The following PCDHA1 variants were observed in gnomAD, a reference collection of about 807,000 sequenced individuals.
PCDHA1 encodes the protein protocadherin alpha 1.
A neutral mutation model predicts 61.3 loss-of-function variants in PCDHA1; 42 were observed. The ratio of observed to expected loss-of-function variants is 0.69; its 90% confidence interval spans 0.54 to 0.89. PCDHA1 has a LOEUF of 0.89. Among genes scored for constraint, PCDHA1 ranks in the 40% least tolerant of loss-of-function variants. PCDHA1 has a pLI of 0.00. For missense variants in PCDHA1, 1,256 were observed against 1,235.3 expected, an observed-to-expected ratio of 1.02 and a Z score of -0.25; for synonymous variants, 610 against 553.8, an observed-to-expected ratio of 1.10 and a Z score of -1.43.
chr5:140,877,217 C>A (rs571871387), intron 1 of PCDHA1: 2 of 1,613,742 alleles, frequency 1.2e-6, no homozygotes, highest in African/African-American at 1.3e-5. Flanking sequence ...GAGTTGGTAC[C>A]GCGGTCGGTG....
chr5:140,789,911 G>A (rs1761560503), intron 1 of PCDHA1, among the ~76,000 whole-genome samples: 1 of 152,124 alleles, frequency 6.6e-6, no homozygotes, highest in African/African-American at 2.4e-5. Context: ...AAATGTTTAA[G>A]GTGGCTTACA....
At chr5:141,005,594 C>T (rs534928198) in intron 3 of PCDHA1, among the ~76,000 whole-genome samples, 10 of 147,680 alleles carry the variant, frequency 6.8e-5, no homozygotes, top group African/African-American at 1.8e-4. Flanking sequence ...CCCAGCTACA[C>T]AGGAGGCTGA....
chr5:140,898,392 T>G (rs1464159946), intron 1 of PCDHA1, among the ~76,000 whole-genome samples: 3 of 152,224 alleles, frequency 2.0e-5, no homozygotes, highest in African/African-American at 7.2e-5. Flanking sequence ...GGATCCAGTT[T>G]CAGCTTTCTA....
chr5:140,850,275 G>T, intron 1 of PCDHA1: 1 of 1,595,466 alleles, frequency 6.3e-7, no homozygotes, highest in East Asian at 2.2e-5. Flanking sequence ...GGTGGGGAAG[G>T]TGCGCGCAGT....
At chr5:140,964,862 A>G (rs560839818) in intron 1 of PCDHA1, among the ~76,000 whole-genome samples, 1 of 152,316 alleles carries the variant, frequency 6.6e-6, no homozygotes, top group South Asian at 2.1e-4. Context: ...GGAAACAAAG[A>G]GGACAAATAA....
intron 1 of PCDHA1, chr5:140,822,093 G>A: frequency 6.2e-7 from 1 of 1,614,262 alleles, no homozygotes; most frequent in South Asian, 1.1e-5. Flanking sequence ...TCCACCTGGA[G>A]GTGATCGTGG....
In PCDHA1 at chr5:140,806,389, A is replaced by T. The variant is rs147310754; in HGVS notation, c.2394+17705A>T. Among the ~76,000 whole-genome samples, 557 of 152,344 alleles carry T rather than the reference A, an allele frequency of 3.7e-3. 2 individuals are homozygous for T. Among genetic ancestry groups the T allele is most frequent in the African/African-American group, 0.013 (531 of 41,580 alleles). ...CAAAATGAGAATACCAGCGTTTCTC[A>T]TGGGAGCAAATGAGTTCCAATGAAT... On this transcript the variant is annotated intron_variant, in intron 1 of 3. Transcript: ENST00000504120.
intron 1 of PCDHA1, among the ~76,000 whole-genome samples, chr5:140,938,520 A>G (rs1240941217): frequency 6.6e-6 from 1 of 150,896 alleles, no homozygotes; most frequent in African/African-American, 2.4e-5. Context: ...ATTTTCTGTT[A>G]TTGAATGGAT....
intron 1 of PCDHA1, among the ~76,000 whole-genome samples, chr5:140,890,446 T>A (rs1554184296): frequency 6.6e-6 from 1 of 152,228 alleles, no homozygotes; most frequent in Non-Finnish European, 1.5e-5. Context: ...CCTAGTGATA[T>A]CTTTAGGCAC....
chr5:140,882,926 C>A (rs144073627), intron 1 of PCDHA1: 1 of 1,614,058 alleles, frequency 6.2e-7, no homozygotes, highest in Non-Finnish European at 8.5e-7. Flanking sequence ...TGGAGGTAAA[C>A]CCGAGCTGAC....
In PCDHA1 at chr5:140,795,207, T is replaced by G. The variant is rs1554119297; in HGVS notation, c.2394+6523T>G. 6.8e-6 allele frequency: 11 copies of G among 1,614,036 alleles called. No individual in the cohort carries two copies. In the South Asian group the frequency reaches 1.2e-4, roughly 18 times the overall value. On this transcript the variant is annotated intron_variant, in intron 1 of 3. Transcript: ENST00000504120. ...ACCTTCTGGAGGTAAATCTGCAGAATGGCATTTTGTTTGTGAATTCTCGGA... is the reference window on the plus strand; with the variant it reads ...ACCTTCTGGAGGTAAATCTGCAGAAGGGCATTTTGTTTGTGAATTCTCGGA...
chr5:140,862,359 C>A lies in PCDHA1; in HGVS notation c.2394+73675C>A, dbSNP rs1364549064. ...CCTAACTTCAGTGCCAAGGGACAGA[C>A]GACCCGCACCCTGACTCCTCACGTC... On this transcript the variant is annotated intron_variant, in intron 1 of 3. Coordinates refer to ENST00000504120, the MANE Select transcript of PCDHA1 (RefSeq NM_018900.4). 17 of 337,738 alleles carry A rather than the reference C, an allele frequency of 5.0e-5. No individual in the cohort carries two copies. In the East Asian group the frequency reaches 1.2e-3, roughly 24 times the overall value. The allele number at this position is 337,738 out of a possible 1,614,324, so 20.9% of individuals were successfully genotyped here.
intron 1 of PCDHA1, chr5:140,966,591 C>A (rs2096024240): frequency 1.7e-6 from 1 of 588,704 alleles, no homozygotes; most frequent in Non-Finnish European, 2.7e-6. Flanking sequence ...GACGGTGGGG[C>A]CAGGAGCCCT....
rs2150126889 is a variant in PCDHA1, at chr5:140,823,558, G to T, written c.2394+34874G>T. 6.2e-5 allele frequency: 100 copies of T among 1,613,898 alleles called. No individual in the cohort carries two copies. In the East Asian group the frequency reaches 1.9e-3, roughly 30 times the overall value. On this transcript the variant is annotated intron_variant, in intron 1 of 3. Transcript: ENST00000504120. ...GGGCCACGTGGTGGCGAAGGTGCGCGCAGTGGACCCTGATTCGGGCTACAA... is the reference window on the plus strand; with the variant it reads ...GGGCCACGTGGTGGCGAAGGTGCGCTCAGTGGACCCTGATTCGGGCTACAA...
intron 1 of PCDHA1, chr5:140,863,268 G>A: frequency 6.9e-7 from 1 of 1,459,352 alleles, no homozygotes; most frequent in Non-Finnish European, 9.3e-7. Context: ...GGGAGGCAGC[G>A]CTGGTGGATG....
intron 1 of PCDHA1, among the ~76,000 whole-genome samples, chr5:140,898,157 G>T (rs1455235992): frequency 2.6e-5 from 4 of 152,162 alleles, no homozygotes; most frequent in African/African-American, 7.2e-5. Flanking sequence ...CACGCTGATG[G>T]TGGTTTCTTT....
chr5:140,898,505 T>A (rs1367691811), intron 1 of PCDHA1, among the ~76,000 whole-genome samples: 1 of 152,202 alleles, frequency 6.6e-6, no homozygotes, highest in East Asian at 1.9e-4. Flanking sequence ...GTTGTAGATA[T>A]GCGGCGTTAT....
intron 1 of PCDHA1, chr5:140,862,170 GC>G (rs2047237372): frequency 6.1e-6 from 1 of 164,918 alleles, no homozygotes; most frequent in Non-Finnish European, 1.3e-5. Flanking sequence ...TCAAATACAG[GC>G]AGTTGACACA....
chr5:140,850,643 G>A, intron 1 of PCDHA1: 1 of 1,598,690 alleles, frequency 6.3e-7, no homozygotes, highest in African/African-American at 1.3e-5. Context: ...TCACGCTGCT[G>A]CTGTACACTG....
Sources: allele counts gnomAD v4.1 joint callset (sites outside exome capture counted in the v4.1 genomes callset), GRCh38; gene constraint gnomAD v4.1.1; transcripts MANE v1.5; gene names NCBI Gene and HGNC (gene_info 2026-07-23, HGNC 2026-07-21).